ANKFN1: variants seen among roughly 807,000 people sequenced by gnomAD.
ANKFN1 encodes ankyrin repeat and fibronectin type-III domain-containing protein 1.
In ANKFN1, 74 loss-of-function variants were observed where a neutral mutation model predicts 108.7. That is an observed-to-expected ratio of 0.68 (90% CI 0.56 to 0.83). The LOEUF is 0.83. Ranked by LOEUF, ANKFN1 falls within the 40% of genes least tolerant of loss-of-function variation. ANKFN1 has a pLI of 0.00. For missense variants in ANKFN1, 1,505 were observed against 1,382.3 expected, an observed-to-expected ratio of 1.09 and a Z score of -1.41; for synonymous variants, 547 against 516.2, an observed-to-expected ratio of 1.06 and a Z score of -0.81.
chr17:56,201,037 C>G (rs186150583), intron 1 of ANKFN1, among the ~76,000 whole-genome samples: 2 of 152,182 alleles, frequency 1.3e-5, no homozygotes, highest in Non-Finnish European at 2.9e-5. Context: ...GTGGAGCCCT[C>G]ACAGTCCAAT....
chr17:56,442,141 G>A (rs2049126489), intron 9 of ANKFN1, among the ~76,000 whole-genome samples: 1 of 152,130 alleles, frequency 6.6e-6, no homozygotes, highest in Admixed American at 6.5e-5. Flanking sequence ...ATAAGCCATT[G>A]TTTTAACAAT....
At chr17:56,200,907 G>C (rs1166062043) in intron 1 of ANKFN1, among the ~76,000 whole-genome samples, 1 of 152,164 alleles carries the variant, frequency 6.6e-6, no homozygotes, top group African/African-American at 2.4e-5. Flanking sequence ...GATGATCAAG[G>C]TCATCAGAAG....
chr17:56,332,703 C>G (rs761778568), intron 4 of ANKFN1, among the ~76,000 whole-genome samples: 12 of 151,964 alleles, frequency 7.9e-5, no homozygotes, highest in Non-Finnish European at 1.0e-4. Flanking sequence ...TAATCTAATC[C>G]TGTATGTCTT....
chr17:56,337,271 C>A (rs1360698371), intron 4 of ANKFN1, among the ~76,000 whole-genome samples: 1 of 152,104 alleles, frequency 6.6e-6, no homozygotes, highest in East Asian at 1.9e-4. Flanking sequence ...TCCTGGATAT[C>A]CTTGTTAACC....
At chr17:56,482,545 T>G (rs2050745064) in intron 18 of ANKFN1, 21 bp downstream of exon 18, 1 of 1,606,628 alleles carries the variant, frequency 6.2e-7, no homozygotes, top group Admixed American at 1.7e-5. Context: ...TTGTTTCACC[T>G]AGAAATATTA....
At position 56,515,580 on chromosome 17, in the gene ANKFN1, C is replaced by T. The variant is rs533053389; in HGVS notation, c.*4311C>T. On this transcript the variant is annotated 3_prime_UTR_variant, in exon 21 of 21. Coordinates refer to ENST00000682825, the MANE Select transcript of ANKFN1 (RefSeq NM_001370326.1). Reference sequence around the variant, plus strand: ...ACTGTTAAGCTAAACTTCAATGCGGCCTTACAAACAACAAGGGTAGTGTAT... The same window carrying T: ...ACTGTTAAGCTAAACTTCAATGCGGTCTTACAAACAACAAGGGTAGTGTAT... 3.9e-5 allele frequency among the ~76,000 whole-genome samples: 6 copies of T among 152,264 alleles called. No individual in the cohort carries two copies. Among genetic ancestry groups the T allele is most frequent in the African/African-American group, 9.6e-5 (4 of 41,550 alleles).
At chr17:56,331,931 A>G (rs2045674058) in intron 4 of ANKFN1, among the ~76,000 whole-genome samples, 1 of 152,182 alleles carries the variant, frequency 6.6e-6, no homozygotes, top group Non-Finnish European at 1.5e-5. Flanking sequence ...CTTGCTTCAC[A>G]AGAAAACACA....
chr17:56,187,202 T>C (rs569541308), intron 1 of ANKFN1, among the ~76,000 whole-genome samples: 1 of 152,308 alleles, frequency 6.6e-6, no homozygotes, highest in East Asian at 1.9e-4. Context: ...AAAGGGCTAA[T>C]ATCCAGAATC....
chr17:56,473,352 A>G (rs186892896), intron 15 of ANKFN1: 2 of 152,184 alleles, frequency 1.3e-5, no homozygotes, highest in African/African-American at 2.4e-5. Context: ...AATCACAGGC[A>G]TTCAATTTGG....
intron 3 of ANKFN1, among the ~76,000 whole-genome samples, chr17:56,293,453 T>C (rs1402628259): frequency 6.6e-6 from 1 of 152,216 alleles, no homozygotes; most frequent in East Asian, 1.9e-4. Flanking sequence ...AGGCTTCAGA[T>C]GGGTGAGTAA....
At chr17:56,411,887 C>T (rs1230733850) in intron 8 of ANKFN1, among the ~76,000 whole-genome samples, 3 of 152,136 alleles carry the variant, frequency 2.0e-5, no homozygotes, top group East Asian at 1.9e-4. Context: ...GAATTGGGTT[C>T]GCTAGTATTT....
At chr17:56,339,613 C>T (rs1008701395) in intron 4 of ANKFN1, among the ~76,000 whole-genome samples, 4 of 152,108 alleles carry the variant, frequency 2.6e-5, no homozygotes, top group African/African-American at 9.7e-5. Flanking sequence ...CAGCTCCACC[C>T]ATGTCCCTGC....
At chr17:56,477,735 A>C (rs1028381643) in intron 16 of ANKFN1, 81 bp downstream of exon 16, 44 of 1,487,808 alleles carry the variant, frequency 3.0e-5, no homozygotes, top group Non-Finnish European at 3.8e-5. Context: ...AAGGAAACTG[A>C]AGTGTTACTT....
intron 8 of ANKFN1, among the ~76,000 whole-genome samples, chr17:56,415,432 T>G (rs947163711): frequency 1.3e-5 from 2 of 152,174 alleles, no homozygotes; most frequent in Non-Finnish European, 2.9e-5. Context: ...GTGACTAATC[T>G]GAAAAAGAAA....
chr17:56,285,011 C>G (rs569221851), intron 3 of ANKFN1, among the ~76,000 whole-genome samples: 2 of 152,286 alleles, frequency 1.3e-5, no homozygotes, highest in Middle Eastern at 6.8e-3. Flanking sequence ...AAGTCAAGAT[C>G]TTATTTCTTC....
intron 8 of ANKFN1, among the ~76,000 whole-genome samples, chr17:56,381,090 C>T (rs1295095319): frequency 6.6e-6 from 1 of 152,218 alleles, no homozygotes; most frequent in East Asian, 1.9e-4. Context: ...TGAGACAAAA[C>T]TTCCAGAGGA....
chr17:56,220,052 A>G (rs1012399640), intron 2 of ANKFN1, among the ~76,000 whole-genome samples: 2 of 152,202 alleles, frequency 1.3e-5, no homozygotes, highest in Non-Finnish European at 2.9e-5. Flanking sequence ...ATGCTGGTAA[A>G]CTTATTCTCT....
At chr17:56,429,026 A>G (rs2048668308) in intron 8 of ANKFN1, among the ~76,000 whole-genome samples, 1 of 152,208 alleles carries the variant, frequency 6.6e-6, no homozygotes, top group African/African-American at 2.4e-5. Context: ...AGTTCCAGGG[A>G]AGATAAGATA....
chr17:56,177,486 C>CT (rs1431828085), intron 1 of ANKFN1, among the ~76,000 whole-genome samples: 2 of 152,186 alleles, frequency 1.3e-5, no homozygotes, highest in Non-Finnish European at 2.9e-5. Context: ...TCCATCTTCC[C>CT]TGTTGAAATA....
Sources: allele counts gnomAD v4.1 joint callset (sites outside exome capture counted in the v4.1 genomes callset), GRCh38; gene constraint gnomAD v4.1.1; transcripts MANE v1.5; gene names NCBI Gene and HGNC (gene_info 2026-07-23, HGNC 2026-07-21).